The following CPEB4 variants were observed in gnomAD, a reference collection of about 807,000 sequenced individuals.
CPEB4 encodes the protein cytoplasmic polyadenylation element binding protein 4.
CPEB4 carries 12 observed loss-of-function variants against 72.5 expected under a neutral mutation model. That is an observed-to-expected ratio of 0.17 (90% CI 0.11 to 0.27). The LOEUF is 0.27. CPEB4 is among the 10% of genes least tolerant of loss of function. The pLI, the probability that CPEB4 is intolerant of heterozygous loss-of-function variation, is 1.00. For missense variants in CPEB4, 614 were observed against 908.5 expected, an observed-to-expected ratio of 0.68 and a Z score of 4.17; for synonymous variants, 302 against 326.3, an observed-to-expected ratio of 0.93 and a Z score of 0.80.
intron 2 of CPEB4, among the ~76,000 whole-genome samples, chr5:173,931,907 C>T (rs1757458772): frequency 6.6e-6 from 1 of 152,116 alleles, no homozygotes; most frequent in Non-Finnish European, 1.5e-5. Context: ...GAAAGTAACC[C>T]AGCATTTAGT....
chr5:173,890,151 T>C lies in CPEB4; in HGVS notation c.418T>C (p.Leu140=). Residue 140 remains leucine (L), a synonymous_variant, in exon 1 of 10, where the codon TTG becomes CTG. Transcript: ENST00000265085. ...KEKIRIESPV[L]TGFDYQEATG... ...GAAAATAAGGATCGAATCTCCAGTG[T>C]TGACAGGGTTTGATTATCAAGAAGC... 2 of 1,614,148 alleles carry C rather than the reference T, an allele frequency of 1.2e-6. No individual in the cohort carries two copies. Among genetic ancestry groups the C allele is most frequent in the Non-Finnish European group, 8.5e-7 (1 of 1,180,026 alleles).
chr5:173,956,181 C>T lies in CPEB4; in HGVS notation c.*44C>T, dbSNP rs752972859. On this transcript the variant is annotated 3_prime_UTR_variant, in exon 10 of 10. Transcript: ENST00000265085. ...ATTTTCAGGCCTCAGAATAAGTGCACTCTTCTGTTCATTCTGACCCCTTCC... is the reference window on the plus strand; with the variant it reads ...ATTTTCAGGCCTCAGAATAAGTGCATTCTTCTGTTCATTCTGACCCCTTCC... The T allele has an allele frequency of 2.0e-6, 3 of 1,496,664 alleles. No homozygotes were observed. Among genetic ancestry groups the T allele is most frequent in the Non-Finnish European group, 1.9e-6 (2 of 1,075,040 alleles). 92.7% of individuals were successfully genotyped at this position (1,496,664 alleles called of 1,614,324 possible).
At chr5:173,901,233 A>T (rs996307759) in intron 1 of CPEB4, among the ~76,000 whole-genome samples, 6 of 152,174 alleles carry the variant, frequency 3.9e-5, no homozygotes, top group Non-Finnish European at 8.8e-5. Flanking sequence ...TTCTGGAGAG[A>T]TCTTATTTGT....
At chr5:173,897,598 A>G (rs1316038378) in intron 1 of CPEB4, among the ~76,000 whole-genome samples, 1 of 152,180 alleles carries the variant, frequency 6.6e-6, no homozygotes, top group Non-Finnish European at 1.5e-5. Context: ...TAAATATTAT[A>G]AACAAATTAT....
At chr5:173,924,819 G>A (rs1479826239) in intron 2 of CPEB4, among the ~76,000 whole-genome samples, 1 of 152,194 alleles carries the variant, frequency 6.6e-6, no homozygotes. Flanking sequence ...TTCCACAGTT[G>A]TTTATTGAGC....
At chr5:173,918,500 C>CG (rs1261333271) in intron 2 of CPEB4, among the ~76,000 whole-genome samples, 2 of 151,868 alleles carry the variant, frequency 1.3e-5, no homozygotes, top group African/African-American at 4.8e-5. Context: ...TTTTATAAGG[C>CG]GGGGAGGGTA....
chr5:173,920,632 C>T (rs762174897), intron 2 of CPEB4, among the ~76,000 whole-genome samples: 3 of 152,178 alleles, frequency 2.0e-5, no homozygotes, highest in African/African-American at 7.2e-5. Flanking sequence ...TCACTTCTCT[C>T]TAGACCTCAA....
chr5:173,944,566 A>C (rs1007814059), intron 4 of CPEB4, among the ~76,000 whole-genome samples: 1 of 152,120 alleles, frequency 6.6e-6, no homozygotes, highest in South Asian at 2.1e-4. Flanking sequence ...TTTTAAAGAA[A>C]TGTAAGTGAT....
At chr5:173,929,208 G>T (rs1216985416) in intron 2 of CPEB4, among the ~76,000 whole-genome samples, 3 of 152,188 alleles carry the variant, frequency 2.0e-5, no homozygotes, top group Non-Finnish European at 2.9e-5. Context: ...TTTGGTTGTG[G>T]GAGGTCTCTT....
In CPEB4 at chr5:173,948,352, G is replaced by C. The variant is rs574080688; in HGVS notation, c.1457-1156G>C. Among the ~76,000 whole-genome samples the C allele has an allele frequency of 5.3e-5, 8 of 152,310 alleles. No homozygotes were observed. The South Asian group carries it at 1.2e-3, about 24-fold the overall frequency. ...ATACAAAAGGAGAAAAGGTTTGCTT[G>C]TGGTAGAGAAACCAGGCGATCAAGA... is the stretch of plus-strand genomic sequence containing the variant. On this transcript the variant is annotated intron_variant, in intron 5 of 9. Transcript: ENST00000265085.
At chr5:173,892,171 G>A (rs1304039059) in intron 1 of CPEB4, among the ~76,000 whole-genome samples, 2 of 151,948 alleles carry the variant, frequency 1.3e-5, no homozygotes, top group Non-Finnish European at 2.9e-5. Flanking sequence ...TGAGAGGGAG[G>A]GGAAGTTTGC....
chr5:173,945,157 T>G lies in CPEB4; in HGVS notation c.1456+17T>G, dbSNP rs373853894. On this transcript the variant is annotated intron_variant, in intron 5 of 9. Transcript: ENST00000265085. ...TTGATGAAGGTATGTTTAGAACTGT[T>G]TATAGCACGGTGCCCAGATGGTGGC... The G allele has an allele frequency of 1.2e-6, 2 of 1,600,108 alleles. No individual in the cohort carries two copies. The highest frequency in any genetic ancestry group is 2.7e-5 in the African/African-American group (2 of 74,652).
At chr5:173,897,410 T>C (rs1756054392) in intron 1 of CPEB4, among the ~76,000 whole-genome samples, 1 of 152,220 alleles carries the variant, frequency 6.6e-6, no homozygotes, top group South Asian at 2.1e-4. Flanking sequence ...GCTTTTATCC[T>C]GGAATCAAGA....
intron 3 of CPEB4, among the ~76,000 whole-genome samples, chr5:173,942,308 A>G (rs1757875313): frequency 6.6e-6 from 1 of 152,256 alleles, no homozygotes; most frequent in Non-Finnish European, 1.5e-5. Flanking sequence ...TATAAGTGCC[A>G]GTTTGTTTCA....
At position 173,910,596 on chromosome 5, in the gene CPEB4, C is replaced by A; in HGVS notation, c.1199C>A (p.Thr400Asn). ...LIDIMRAENDTIKGRLNYSYP... is the reference protein window; with the variant it reads ...LIDIMRAENDNIKGRLNYSYP... ...GACATAATGAGAGCTGAAAATGATA[C>A]CATTAAAGGTAAGTTTAGAAATATA... The change falls in exon 2 of 10, where the codon ACC (threonine) becomes AAC (asparagine). Residue 400 changes from threonine to asparagine, a missense_variant. Around this residue, in one of 5 missense-constraint regions of CPEB4, gnomAD observed 458 missense variants for 548.6 expected, o/e 0.83. Coordinates refer to ENST00000265085, the MANE Select transcript of CPEB4 (RefSeq NM_030627.4). The A allele has an allele frequency of 1.3e-6, 2 of 1,595,072 alleles. No individual in the cohort carries two copies. Among genetic ancestry groups the A allele is most frequent in the Non-Finnish European group, 1.7e-6 (2 of 1,163,038 alleles).
At chr5:173,929,316 A>G (rs1188219593) in intron 2 of CPEB4, among the ~76,000 whole-genome samples, 2 of 152,192 alleles carry the variant, frequency 1.3e-5, no homozygotes, top group Non-Finnish European at 2.9e-5. Context: ...CCAAAACATG[A>G]GTTTGTGATA....
intron 5 of CPEB4, 94 bp from the exon 6 acceptor site, chr5:173,949,414 C>G: frequency 1.1e-6 from 1 of 874,592 alleles, no homozygotes; most frequent in Non-Finnish European, 1.8e-6. Flanking sequence ...TTTTACTGTT[C>G]TTGTAAATAG....
intron 1 of CPEB4, chr5:173,891,226 A>G (rs1370058136): frequency 6.5e-6 from 1 of 154,456 alleles, no homozygotes; most frequent in South Asian, 2.0e-4. Context: ...TGCAGAAACT[A>G]TTGAATGTTT....
At chr5:173,907,808 G>A (rs1756497150) in intron 1 of CPEB4, among the ~76,000 whole-genome samples, 1 of 152,214 alleles carries the variant, frequency 6.6e-6, no homozygotes, top group Non-Finnish European at 1.5e-5. Flanking sequence ...CTGCCAGGAA[G>A]CTCCTGCCAC....
Sources: gnomAD v4.1 joint callset for allele counts (sites outside exome capture counted in the v4.1 genomes callset) on GRCh38, gnomAD v4.1.1 for gene constraint, gnomAD v4.1.1 regional missense constraint, MANE v1.5 for transcripts, NCBI Gene and HGNC (gene_info 2026-07-23, HGNC 2026-07-21) for gene names.